The following COL24A1 variants were observed in gnomAD, a reference collection of about 807,000 sequenced individuals.
The protein encoded by COL24A1 is collagen type XXIV alpha 1 chain.
COL24A1 carries 224 observed loss-of-function variants against 253.9 expected under a neutral mutation model. The observed-to-expected ratio is 0.88, with a 90% confidence interval of 0.79 to 0.99. The LOEUF (loss-of-function observed/expected upper bound fraction) is 0.99. Ranked by LOEUF, COL24A1 falls within the 50% of genes least tolerant of loss-of-function variation. The pLI, the probability that COL24A1 is intolerant of heterozygous loss-of-function variation, is 0.00. For synonymous variants in COL24A1, 685 were observed against 673.7 expected (o/e 1.02, Z -0.26); for missense variants, 2,131 against 2,068.5 (o/e 1.03, Z -0.59).
At chr1:85,840,791 G>A (rs539757771) in intron 42 of COL24A1, among the ~76,000 whole-genome samples, 1 of 152,198 alleles carries the variant, frequency 6.6e-6, no homozygotes, top group Non-Finnish European at 1.5e-5. Flanking sequence ...TAACTCCTTA[G>A]AGGGGTTTTG....
intron 5 of COL24A1, among the ~76,000 whole-genome samples, chr1:86,106,958 G>A (rs1439455484): frequency 6.6e-6 from 1 of 151,946 alleles, no homozygotes; most frequent in Non-Finnish European, 1.5e-5. Context: ...CAGTCCTCAG[G>A]GATTAGGAAT....
chr1:86,006,333 T>C (rs74793007), intron 19 of COL24A1, among the ~76,000 whole-genome samples: 1 of 152,034 alleles, frequency 6.6e-6, no homozygotes, highest in East Asian at 1.9e-4. Context: ...CGGAACAGAA[T>C]AGAGAACCCA....
At chr1:85,735,235 G>A (rs1449035861) in intron 58 of COL24A1, among the ~76,000 whole-genome samples, 2 of 152,166 alleles carry the variant, frequency 1.3e-5, no homozygotes, top group Non-Finnish European at 2.9e-5. Flanking sequence ...ACCAAGGTGA[G>A]GTCACTGAAC....
chr1:86,010,278 A>T (rs1696371441), intron 19 of COL24A1, among the ~76,000 whole-genome samples: 1 of 152,314 alleles, frequency 6.6e-6, no homozygotes, highest in East Asian at 1.9e-4. Context: ...TCAAAAGACA[A>T]GTGACAAATT....
Position 85,729,709 on chromosome 1 carries a change from A to C in COL24A1, c.*837T>G, listed in dbSNP as rs1169729094. 3 of 152,594 alleles carry C rather than the reference A, an allele frequency of 2.0e-5. No individual in the cohort carries two copies. The highest frequency in any genetic ancestry group is 7.2e-5 in the African/African-American group (3 of 41,444). The allele number at this position is 152,594 out of a possible 1,614,324, so 9.5% of individuals were successfully genotyped here. On this transcript the variant is annotated 3_prime_UTR_variant, in exon 60 of 60. Transcript: ENST00000370571. Reference sequence around the variant, plus strand: ...ATCTGTACCCCAAACCTACTACTAGATGTAGCTGGCCTATAATAATTTTTA... The same window carrying C: ...ATCTGTACCCCAAACCTACTACTAGCTGTAGCTGGCCTATAATAATTTTTA...
Position 85,968,803 on chromosome 1 carries a change from G to C in COL24A1, c.2463+1424C>G, listed in dbSNP as rs1373034884. Reference sequence around the variant, plus strand: ...ATGGAAAGAATCTCACTGGAATCTGGTATCAGCACATTTTCAAAGTCTTTG... The same window carrying C: ...ATGGAAAGAATCTCACTGGAATCTGCTATCAGCACATTTTCAAAGTCTTTG... On this transcript the variant is annotated intron_variant, in intron 22 of 59. Transcript: ENST00000370571. 3.3e-5 allele frequency among the ~76,000 whole-genome samples: 5 copies of C among 152,146 alleles called. No homozygotes were observed. The East Asian group carries it at 7.7e-4, about 23-fold the overall frequency.
intron 52 of COL24A1, among the ~76,000 whole-genome samples, chr1:85,777,515 C>A (rs1179284105): frequency 6.6e-6 from 1 of 151,936 alleles, no homozygotes; most frequent in Non-Finnish European, 1.5e-5. Context: ...TAAACAATTG[C>A]ATAATATTCC....
chr1:85,816,129 C>A (rs1160330142), intron 47 of COL24A1, among the ~76,000 whole-genome samples: 1 of 152,100 alleles, frequency 6.6e-6, no homozygotes, highest in South Asian at 2.1e-4. Context: ...GAGGCCAACA[C>A]TGAGCTACTA....
chr1:85,746,910 T>C (rs1665282849), intron 55 of COL24A1, among the ~76,000 whole-genome samples: 1 of 152,126 alleles, frequency 6.6e-6, no homozygotes, highest in Non-Finnish European at 1.5e-5. Context: ...TATGGGAAAC[T>C]GAATTAAGGG....
At chr1:85,798,644 T>C (rs1671080699) in intron 47 of COL24A1, among the ~76,000 whole-genome samples, 3 of 152,190 alleles carry the variant, frequency 2.0e-5, no homozygotes, top group Admixed American at 2.0e-4. Context: ...GTGGTCCTAC[T>C]ACAAAGGTGC....
At chr1:86,119,566 G>C (rs1172352502) in intron 3 of COL24A1, among the ~76,000 whole-genome samples, 1 of 152,056 alleles carries the variant, frequency 6.6e-6, no homozygotes, top group Non-Finnish European at 1.5e-5. Flanking sequence ...GTGATACAAA[G>C]GGTTTCGCAA....
At chr1:86,020,287 C>T (rs1389331753) in intron 18 of COL24A1, among the ~76,000 whole-genome samples, 6 of 151,804 alleles carry the variant, frequency 4.0e-5, no homozygotes. Context: ...AGGGTGGTCT[C>T]GAACTCCTGA....
chr1:85,872,718 T>C (rs899261772), intron 35 of COL24A1, among the ~76,000 whole-genome samples: 4 of 152,010 alleles, frequency 2.6e-5, no homozygotes, highest in African/African-American at 9.7e-5. Context: ...AATGTTACAC[T>C]TAAAACCATA....
chr1:85,877,142 G>T lies in COL24A1; in HGVS notation c.3010C>A (p.Pro1004Thr). 2.5e-6 allele frequency: 4 copies of T among 1,606,240 alleles called. No individual in the cohort carries two copies. In the South Asian group the frequency reaches 4.5e-5, roughly 18 times the overall value. Residue 1004 changes from proline (P) to threonine (T), a missense_variant, in exon 33 of 60, where the codon CCT becomes ACT. Coordinates refer to ENST00000370571, the MANE Select transcript of COL24A1 (RefSeq NM_152890.7). ...LRGLQGDVGP[P>T]GEMGMEGPPG... ...TTTACCTCCATGCCCATTTCTCCAG[G>T]AGGTCCAACATCACCTTGCAGTCCT... is the stretch of plus-strand genomic sequence containing the variant.
chr1:85,827,397 T>C (rs1391252041), intron 43 of COL24A1, among the ~76,000 whole-genome samples: 1 of 151,464 alleles, frequency 6.6e-6, no homozygotes, highest in Non-Finnish European at 1.5e-5. Flanking sequence ...CTTTTTTGGT[T>C]GTGTCTCTGC....
intron 43 of COL24A1, among the ~76,000 whole-genome samples, chr1:85,832,144 T>C (rs1457224791): frequency 6.6e-6 from 1 of 152,070 alleles, no homozygotes; most frequent in Non-Finnish European, 1.5e-5. Flanking sequence ...TTTCTACATA[T>C]GGCTAGCCAG....
chr1:86,060,330 T>C (rs1314939985), intron 8 of COL24A1, among the ~76,000 whole-genome samples: 1 of 152,142 alleles, frequency 6.6e-6, no homozygotes, highest in Non-Finnish European at 1.5e-5. Flanking sequence ...ATGACAACAA[T>C]GTTTAAGTTG....
At chr1:86,066,036 A>G (rs1557468385) in intron 7 of COL24A1, among the ~76,000 whole-genome samples, 2 of 152,150 alleles carry the variant, frequency 1.3e-5, no homozygotes, top group African/African-American at 4.8e-5. Flanking sequence ...GAGAAAGTAG[A>G]TAAGCACTGG....
At chr1:86,042,168 T>C (rs1195504035) in intron 12 of COL24A1, among the ~76,000 whole-genome samples, 1 of 152,142 alleles carries the variant, frequency 6.6e-6, no homozygotes, top group African/African-American at 2.4e-5. Context: ...ATTGTTGTGG[T>C]TAGTAAGTAC....
Sources: allele counts gnomAD v4.1 joint callset (sites outside exome capture counted in the v4.1 genomes callset), GRCh38; gene constraint gnomAD v4.1.1; transcripts MANE v1.5; gene names NCBI Gene and HGNC (gene_info 2026-07-23, HGNC 2026-07-21).